Variants in DNASE1 observed in about 807,000 individuals in gnomAD.
DNASE1 encodes the protein deoxyribonuclease-1.
DNASE1 carries 40 observed loss-of-function variants against 33.9 expected under a neutral mutation model. The ratio of observed to expected loss-of-function variants is 1.18; its 90% CI spans 0.92 to 1.54. The LOEUF (loss-of-function observed/expected upper bound fraction) is 1.54, where lower values mean the gene tolerates loss of function less well. DNASE1 is among the 40% of genes most tolerant of loss of function. DNASE1 has a pLI of 0.00. For synonymous variants in DNASE1, 216 were observed against 160.0 expected (o/e 1.35, Z -2.64); for missense variants, 518 against 372.6 (o/e 1.39, Z -3.21).
In DNASE1 at chr16:3,664,823, C is replaced by T. The variant is rs573471636; in HGVS notation, c.*6870C>T. On this transcript the variant is annotated 3_prime_UTR_variant, in exon 10 of 10. Transcript: ENST00000407479. ...TCAGTCTCTGGTGGGCACACGGACA[C>T]GGGTGAAGTCCACGGTTCCCGGCCC... 7.4e-4 allele frequency: 161 copies of T among 217,508 alleles called. 2 individuals are homozygous for T. The highest frequency in any genetic ancestry group is 3.6e-3 in the African/African-American group (154 of 42,556). The allele number at this position is 217,508 out of a possible 1,614,324, so 13.5% of individuals were successfully genotyped here. A position where few individuals can be genotyped will look rare whatever the true frequency, so the allele number is the denominator to read the frequency against.
chr16:3,635,593 A>G (rs2041845781), intron 1 of DNASE1, among the ~76,000 whole-genome samples: 1 of 150,158 alleles, frequency 6.7e-6, no homozygotes, highest in Non-Finnish European at 1.5e-5. Flanking sequence ...ACTTCTTAAT[A>G]TTTTTTGCAA....
intron 1 of DNASE1, among the ~76,000 whole-genome samples, chr16:3,637,846 T>C (rs992670724): frequency 6.6e-6 from 1 of 152,188 alleles, no homozygotes; most frequent in Admixed American, 6.5e-5. Context: ...TTTCCACTCC[T>C]GGGCTCCTGC....
intron 1 of DNASE1, among the ~76,000 whole-genome samples, chr16:3,648,576 G>A (rs566811284): frequency 1.1e-4 from 16 of 152,074 alleles, no homozygotes; most frequent in East Asian, 5.8e-4. Flanking sequence ...AGCCAAGATC[G>A]CGCCACTGCA....
At chr16:3,655,790 G>T in intron 2 of DNASE1, 59 bp from the exon 3 acceptor site, 3 of 1,595,436 alleles carry the variant, frequency 1.9e-6, no homozygotes, top group East Asian at 2.2e-5. Context: ...CCTTTGTGGC[G>T]CTGTAGGGTC....
intron 1 of DNASE1, among the ~76,000 whole-genome samples, chr16:3,621,994 G>T (rs1481884635): frequency 6.6e-6 from 1 of 152,182 alleles, no homozygotes; most frequent in Non-Finnish European, 1.5e-5. Flanking sequence ...ACCGAGGCAG[G>T]TGGATCACTT....
chr16:3,651,960 T>A (rs957210428), upstream of DNASE1: 3 of 152,314 alleles, frequency 2.0e-5, no homozygotes, highest in Non-Finnish European at 4.4e-5. Flanking sequence ...GAGGAAGACA[T>A]AGAGGCTCCA....
intron 1 of DNASE1, among the ~76,000 whole-genome samples, chr16:3,618,911 C>T (rs1162894694): frequency 6.6e-6 from 1 of 151,878 alleles, no homozygotes; most frequent in Non-Finnish European, 1.5e-5. Context: ...GGCTCGAGTA[C>T]AGTGGCACAA....
At chr16:3,624,575 T>G (rs1386667286) in intron 1 of DNASE1, among the ~76,000 whole-genome samples, 4 of 152,222 alleles carry the variant, frequency 2.6e-5, no homozygotes, top group African/African-American at 9.6e-5. Flanking sequence ...GCAGTCCAAC[T>G]GGGTGGACTG....
At chr16:3,662,705 A>T, downstream of DNASE1, 1 of 705,130 alleles carries the variant, frequency 1.4e-6, no homozygotes, top group Non-Finnish European at 2.6e-6. Context: ...TTCCTGCCTC[A>T]GCGGCACTCC....
At chr16:3,621,476 C>T (rs994087057) in intron 1 of DNASE1, among the ~76,000 whole-genome samples, 1 of 152,100 alleles carries the variant, frequency 6.6e-6, no homozygotes, top group African/African-American at 2.4e-5. Flanking sequence ...ACTTCTGGCC[C>T]CCTGACCTCC....
At chr16:3,614,439 G>A (rs1178737114) in intron 1 of DNASE1, among the ~76,000 whole-genome samples, 2 of 152,232 alleles carry the variant, frequency 1.3e-5, no homozygotes, top group Non-Finnish European at 2.9e-5. Flanking sequence ...TTGGTTAGGA[G>A]GAAGAAATAG....
At chr16:3,648,966 G>C (rs1307368203) in intron 1 of DNASE1, among the ~76,000 whole-genome samples, 5 of 152,152 alleles carry the variant, frequency 3.3e-5, no homozygotes, top group Admixed American at 3.3e-4. Context: ...TGATGAGCCT[G>C]TCCTTTGCCA....
chr16:3,633,630 G>A (rs1024632737), intron 1 of DNASE1, among the ~76,000 whole-genome samples: 1 of 146,008 alleles, frequency 6.8e-6, no homozygotes, highest in African/African-American at 2.5e-5. Flanking sequence ...AAAAAAAAAA[G>A]TCTTTGCCCT....
chr16:3,644,776 C>T (rs1433434093), intron 1 of DNASE1, among the ~76,000 whole-genome samples: 1 of 151,032 alleles, frequency 6.6e-6, no homozygotes, highest in South Asian at 2.1e-4. Context: ...GGTGTATTTA[C>T]CAGCAGATTG....
At chr16:3,615,278 A>G (rs1397304960) in intron 1 of DNASE1, among the ~76,000 whole-genome samples, 3 of 152,184 alleles carry the variant, frequency 2.0e-5, no homozygotes, top group Non-Finnish European at 4.4e-5. Flanking sequence ...GGGATTTCCA[A>G]TTATACATAA....
chr16:3,623,309 C>A (rs2041388835), intron 1 of DNASE1, among the ~76,000 whole-genome samples: 1 of 152,040 alleles, frequency 6.6e-6, no homozygotes, highest in African/African-American at 2.4e-5. Flanking sequence ...TGAAACCGTA[C>A]CTCTATCTCT....
downstream of DNASE1, chr16:3,662,019 C>T (rs774123488): frequency 2.5e-6 from 4 of 1,612,110 alleles, no homozygotes; most frequent in South Asian, 2.2e-5. Flanking sequence ...GCTGCAGGAG[C>T]TGTGCGCGCT....
At chr16:3,656,538 C>T (rs532250385) in intron 4 of DNASE1, 100 bp from the exon 5 acceptor site, 23 of 911,088 alleles carry the variant, frequency 2.5e-5, no homozygotes, top group Admixed American at 1.0e-4. Context: ...CTGGCTCCCC[C>T]GCCCTCCTGT....
At chr16:3,639,879 T>C (rs2041982880), upstream of DNASE1, among the ~76,000 whole-genome samples, 1 of 152,160 alleles carries the variant, frequency 6.6e-6, no homozygotes, top group Non-Finnish European at 1.5e-5. Context: ...CTGGGCAACA[T>C]AGTGAGACCC....
Sources: allele counts gnomAD v4.1 joint callset (sites outside exome capture counted in the v4.1 genomes callset), GRCh38; gene constraint gnomAD v4.1.1; transcripts MANE v1.5; gene names NCBI Gene and HGNC (gene_info 2026-07-23, HGNC 2026-07-21).